The following THADA variants were observed in gnomAD, a reference collection of about 807,000 sequenced individuals.
THADA encodes THADA armadillo repeat containing, also known as tRNA (32-2'-O)-methyltransferase regulator THADA.
THADA carries 213 observed loss-of-function variants against 219.8 expected under a neutral mutation model. The observed-to-expected ratio is 0.97, with a 90% CI of 0.87 to 1.09. The LOEUF (loss-of-function observed/expected upper bound fraction) is 1.09. Among genes scored for constraint, THADA ranks in the 50% least tolerant of loss-of-function variants. THADA has a pLI of 0.00. For missense variants in THADA, 2,956 were observed against 2,311.3 expected, an observed-to-expected ratio of 1.28 and a Z score of -5.72; for synonymous variants, 1,018 against 828.9, an observed-to-expected ratio of 1.23 and a Z score of -3.92.
chr2:43,483,787 C>G (rs542659569), intron 26 of THADA, among the ~76,000 whole-genome samples: 43 of 151,202 alleles, frequency 2.8e-4, no homozygotes, highest in Middle Eastern at 3.4e-3. Flanking sequence ...ATTCAAGAAT[C>G]ACTTCATAAA....
chr2:43,594,271 T>C (rs1312599812), intron 1 of THADA, among the ~76,000 whole-genome samples: 1 of 152,116 alleles, frequency 6.6e-6, no homozygotes, highest in Non-Finnish European at 1.5e-5. Flanking sequence ...GGTTTCTAAA[T>C]ACACTTAGAA....
chr2:43,461,043 C>T (rs766359898), intron 26 of THADA, among the ~76,000 whole-genome samples: 3 of 152,196 alleles, frequency 2.0e-5, no homozygotes, highest in African/African-American at 7.2e-5. Flanking sequence ...CTGGGGACAA[C>T]AGCCAAGGCT....
intron 26 of THADA, among the ~76,000 whole-genome samples, chr2:43,457,591 T>C (rs376766798): frequency 1.3e-5 from 2 of 152,198 alleles, no homozygotes; most frequent in East Asian, 3.8e-4. Context: ...TTTTCATATG[T>C]AAATTCTGGC....
chr2:43,238,838 C>T (rs1025409162), intron 36 of THADA, among the ~76,000 whole-genome samples: 7 of 152,134 alleles, frequency 4.6e-5, no homozygotes, highest in African/African-American at 1.4e-4. Flanking sequence ...AACACCCAGG[C>T]AACAGCAGGG....
intron 26 of THADA, among the ~76,000 whole-genome samples, chr2:43,481,915 T>C (rs918874703): frequency 6.6e-6 from 1 of 152,200 alleles, no homozygotes; most frequent in African/African-American, 2.4e-5. Context: ...ATCATTTAGC[T>C]GGGACTCACA....
intron 35 of THADA, among the ~76,000 whole-genome samples, chr2:43,283,298 T>C (rs1023818557): frequency 3.3e-5 from 5 of 152,196 alleles, no homozygotes; most frequent in African/African-American, 9.7e-5. Flanking sequence ...AGTGTGAGAA[T>C]GGACCAATAC....
intron 30 of THADA, chr2:43,343,856 G>A: frequency 2.9e-6 from 1 of 349,452 alleles, no homozygotes; most frequent in Non-Finnish European, 5.4e-6. Flanking sequence ...TGGGCACGCA[G>A]CAGGTTTCAA....
At chr2:43,466,106 C>T (rs763239936) in intron 26 of THADA, among the ~76,000 whole-genome samples, 38 of 152,320 alleles carry the variant, frequency 2.5e-4, no homozygotes, top group Non-Finnish European at 4.7e-4. Flanking sequence ...ACTCATGCTC[C>T]TCTCTTCTCA....
chr2:43,365,407 C>A lies in THADA; in HGVS notation c.4228-21170G>T, dbSNP rs533134426. On this transcript the variant is annotated intron_variant, in intron 29 of 37. Transcript: ENST00000405975. Reference sequence around the variant, plus strand: ...CCAATAGAGTGAAACCCCGTCTCCACTAAAAATACAAAAATTAGCTGGGCG... The same window carrying A: ...CCAATAGAGTGAAACCCCGTCTCCAATAAAAATACAAAAATTAGCTGGGCG... Among the ~76,000 whole-genome samples the A allele has an allele frequency of 2.6e-3, 388 of 152,006 alleles. 1 individual carries two copies. The highest frequency in any genetic ancestry group is 5.0e-3 in the South Asian group (24 of 4,818).
chr2:43,401,569 T>C (rs1674847573), intron 28 of THADA, among the ~76,000 whole-genome samples: 2 of 152,212 alleles, frequency 1.3e-5, no homozygotes, highest in Non-Finnish European at 2.9e-5. Context: ...TGAGCCACCA[T>C]GCCCAGCTGA....
intron 30 of THADA, among the ~76,000 whole-genome samples, chr2:43,321,399 G>C (rs1573054678): frequency 2.0e-5 from 3 of 152,102 alleles, no homozygotes; most frequent in African/African-American, 7.2e-5. Flanking sequence ...CTCTGCTATG[G>C]TTTGACTGCC....
At chr2:43,499,055 G>A (rs1439197798) in intron 24 of THADA, 100 bp from the exon 25 acceptor site, 2 of 1,234,632 alleles carry the variant, frequency 1.6e-6, no homozygotes, top group East Asian at 2.7e-5. Context: ...AAAATTTACT[G>A]AATTACAAGA....
chr2:43,297,223 C>T (rs1468352480), intron 31 of THADA, among the ~76,000 whole-genome samples: 1 of 106,192 alleles, frequency 9.4e-6, no homozygotes, highest in African/African-American at 4.7e-5. Context: ...CGCCTCTGCC[C>T]GGCCGAGACC....
At chr2:43,551,084 T>C (rs576440666) in intron 19 of THADA, among the ~76,000 whole-genome samples, 5 of 152,378 alleles carry the variant, frequency 3.3e-5, no homozygotes, top group Admixed American at 3.3e-4. Context: ...TAATATTCTC[T>C]GTGCAAAACA....
chr2:43,449,269 T>C (rs1416578164), intron 26 of THADA, among the ~76,000 whole-genome samples: 1 of 152,044 alleles, frequency 6.6e-6, no homozygotes, highest in Non-Finnish European at 1.5e-5. Flanking sequence ...AGGGAAATTA[T>C]TGAGTCTGAG....
intron 26 of THADA, among the ~76,000 whole-genome samples, chr2:43,460,370 T>C (rs1368578133): frequency 6.6e-6 from 1 of 151,834 alleles, no homozygotes; most frequent in Non-Finnish European, 1.5e-5. Context: ...TGCTCCAGAC[T>C]GTGACTGTAA....
intron 22 of THADA, among the ~76,000 whole-genome samples, chr2:43,521,965 C>G (rs1692548030): frequency 6.6e-6 from 1 of 152,206 alleles, no homozygotes; most frequent in Admixed American, 6.5e-5. Flanking sequence ...CTATTGCTAA[C>G]TGAGAAATGT....
intron 30 of THADA, among the ~76,000 whole-genome samples, chr2:43,341,152 G>C (rs1353405747): frequency 5.9e-5 from 9 of 152,206 alleles, no homozygotes; most frequent in African/African-American, 2.2e-4. Flanking sequence ...GGAGCAAAAG[G>C]AAGCCTGGTG....
At chr2:43,488,812 A>G (rs1687236250) in intron 25 of THADA, among the ~76,000 whole-genome samples, 1 of 152,118 alleles carries the variant, frequency 6.6e-6, no homozygotes, top group South Asian at 2.1e-4. Flanking sequence ...CAATTTCACC[A>G]GTTCTCCAAT....
Sources: allele counts gnomAD v4.1 joint callset (sites outside exome capture counted in the v4.1 genomes callset), GRCh38; gene constraint gnomAD v4.1.1; transcripts MANE v1.5; gene names NCBI Gene and HGNC (gene_info 2026-07-23, HGNC 2026-07-21).